Variants in SEC23A observed in about 807,000 individuals in gnomAD.
SEC23A encodes the protein SEC23 homolog A, COPII component, also known as protein transport protein Sec23A.
A neutral mutation model predicts 103.7 loss-of-function variants in SEC23A; 56 were observed. The ratio of observed to expected loss-of-function variants is 0.54; its 90% CI spans 0.44 to 0.67. SEC23A has a LOEUF of 0.67. Among genes scored for constraint, SEC23A ranks in the 30% least tolerant of loss-of-function variants. The probability of loss-of-function intolerance (pLI) is 0.00; values close to 1 mark genes in which losing one functional copy is unlikely to be tolerated. For synonymous variants in SEC23A, 281 were observed against 293.0 expected (o/e 0.96, Z 0.42); for missense variants, 784 against 936.4 (o/e 0.84, Z 2.12).
In SEC23A at chr14:39,085,882, T is replaced by C; in HGVS notation, c.708A>G (p.Ile236Met). Residue 236 changes from isoleucine to methionine, a missense_variant, in exon 7 of 20, where the codon ATA (isoleucine) becomes ATG (methionine). Ile to Met is a conservative substitution (Grantham distance 10). Coordinates refer to ENST00000307712, the MANE Select transcript of SEC23A (RefSeq NM_006364.4). ...SNRFLQPVQKIDMNLTDLLGE... is the reference protein window; with the variant it reads ...SNRFLQPVQKMDMNLTDLLGE... ...CCAGAAGATCTGTGAGATTCATGTC[T>C]ATTTTCTGTACTGGTTGTAAGAATC... The C allele has an allele frequency of 6.2e-7, 1 of 1,613,690 alleles. No individual in the cohort carries two copies. Among genetic ancestry groups the C allele is most frequent in the Non-Finnish European group, 8.5e-7 (1 of 1,179,566 alleles).
intron 17 of SEC23A, 124 bp downstream of exon 17, chr14:39,042,662 T>C: frequency 3.0e-6 from 2 of 669,050 alleles, no homozygotes; most frequent in Admixed American, 2.7e-5. Context: ...TATTTTATTA[T>C]TTTATAAAAA....
chr14:39,058,528 T>C (rs995828089), intron 13 of SEC23A, among the ~76,000 whole-genome samples: 1 of 152,072 alleles, frequency 6.6e-6, no homozygotes, highest in Non-Finnish European at 1.5e-5. Context: ...AGGATGGTCT[T>C]GATCTCCTGA....
rs140084867 is a variant in SEC23A at position 39,089,236 on chromosome 14, G to A, written c.604-2228C>T. On this transcript the variant is annotated intron_variant, in intron 5 of 19. Transcript: ENST00000307712. Reference sequence around the variant, plus strand: ...TTCATATGCATTATATAAGTAAAAGGTACTCTACAATCAGAACAGTAAACT... The same window carrying A: ...TTCATATGCATTATATAAGTAAAAGATACTCTACAATCAGAACAGTAAACT... 3.0e-4 allele frequency among the ~76,000 whole-genome samples: 46 copies of A among 151,656 alleles called. No homozygotes were observed. In the East Asian group the frequency reaches 3.9e-3, roughly 13 times the overall value.
chr14:39,091,937 C>G (rs1887677470), intron 4 of SEC23A, among the ~76,000 whole-genome samples: 1 of 152,162 alleles, frequency 6.6e-6, no homozygotes, highest in African/African-American at 2.4e-5. Flanking sequence ...AGGGGACTTT[C>G]ACTTTCCATT....
At chr14:39,089,848 C>T (rs191523823) in intron 5 of SEC23A, among the ~76,000 whole-genome samples, 2 of 152,214 alleles carry the variant, frequency 1.3e-5, no homozygotes, top group Admixed American at 6.5e-5. Context: ...CCCAGCTACT[C>T]GAGAGGCTGA....
chr14:39,061,880 A>G lies in SEC23A; in HGVS notation c.1399-9T>C, dbSNP rs931746609. The stretch of plus-strand genomic sequence containing the variant: ...GGAATTGGAGCATTATGCTGTATAA[A>G]TATAATGGAGTAAAACCTAAGCAAA... On this transcript the variant is annotated splice_polypyrimidine_tract_variant and intron_variant, in intron 12 of 19. Coordinates refer to ENST00000307712, the MANE Select transcript of SEC23A (RefSeq NM_006364.4). 7 of 1,592,628 alleles carry G rather than the reference A, an allele frequency of 4.4e-6. No individual in the cohort carries two copies. The highest frequency in any genetic ancestry group is 6.0e-6 in the Non-Finnish European group (7 of 1,160,362).
At chr14:39,070,629 G>C (rs1043029842) in intron 9 of SEC23A, among the ~76,000 whole-genome samples, 1 of 152,204 alleles carries the variant, frequency 6.6e-6, no homozygotes, top group Non-Finnish European at 1.5e-5. Flanking sequence ...AATAGCTATA[G>C]AAACAGCATT....
chr14:39,041,668 G>T (rs183944662), intron 17 of SEC23A, among the ~76,000 whole-genome samples: 3 of 151,838 alleles, frequency 2.0e-5, no homozygotes, highest in Admixed American at 6.6e-5. Context: ...TCAGGAGTTC[G>T]AGACCAGCCT....
rs8009506 is a variant in SEC23A, at chr14:39,085,689, T to C, written c.828+73A>G. On this transcript the variant is annotated intron_variant, in intron 7 of 19. Transcript: ENST00000307712. ...TTCTTCTTATCCTTATAATTATATATACACACACACACACACACACACACA... is the reference window on the plus strand; with the variant it reads ...TTCTTCTTATCCTTATAATTATATACACACACACACACACACACACACACA... 404,892 of 1,190,348 alleles carry C rather than the reference T, an allele frequency of 0.34. 76,416 individuals are homozygous for C. Among genetic ancestry groups the C allele is most frequent in the East Asian group, 0.37 (13,930 of 38,068 alleles). 73.7% of individuals were successfully genotyped at this position (1,190,348 alleles called of 1,614,324 possible).
At chr14:39,095,868 C>T (rs1218696923) in intron 2 of SEC23A, 30 bp downstream of exon 2, 6 of 1,448,314 alleles carry the variant, frequency 4.1e-6, no homozygotes, top group Non-Finnish European at 5.8e-6. Flanking sequence ...ATCACATTGC[C>T]ACATTAGTTT....
intron 15 of SEC23A, chr14:39,047,487 C>T (rs934371498): frequency 2.7e-5 from 24 of 901,452 alleles, no homozygotes; most frequent in African/African-American, 3.6e-5. Context: ...AATAAAGGAT[C>T]CTCAAAACAA....
intron 7 of SEC23A, among the ~76,000 whole-genome samples, chr14:39,078,062 C>G (rs557634961): frequency 1.3e-5 from 2 of 151,998 alleles, no homozygotes; most frequent in Non-Finnish European, 2.9e-5. Flanking sequence ...TCAGCCTGGG[C>G]AACAAAGGGA....
At chr14:39,038,170 C>T (rs1885521708) in intron 19 of SEC23A, among the ~76,000 whole-genome samples, 1 of 152,182 alleles carries the variant, frequency 6.6e-6, no homozygotes, top group African/African-American at 2.4e-5. Flanking sequence ...CTATTCTCTA[C>T]CTAGATTTCC....
intron 11 of SEC23A, among the ~76,000 whole-genome samples, chr14:39,064,358 TAAAG>T (rs1420489016): frequency 1.3e-5 from 2 of 152,328 alleles, no homozygotes; most frequent in South Asian, 4.1e-4. Context: ...AAAAAGAACA[TAAAG>T]AACTGAAATT....
In SEC23A at chr14:39,040,751, G is replaced by A; in HGVS notation, c.2123C>T (p.Thr708Ile). Residue 708 changes from threonine (T) to isoleucine (I), a missense_variant, in exon 18 of 20, where the codon ACT becomes ATT. By Grantham distance (89) the Thr-to-Ile change is moderately conservative. Around this residue, in one of 2 missense-constraint regions of SEC23A, gnomAD observed 101 missense variants for 162.2 expected, o/e 0.62. Coordinates refer to ENST00000307712, the MANE Select transcript of SEC23A (RefSeq NM_006364.4). ...ACTTACCTGGCTGCCTCCATGTTCAGTGTCAATGTATCTTGGCATTGGAAA... is the reference window on the plus strand; with the variant it reads ...ACTTACCTGGCTGCCTCCATGTTCAATGTCAATGTATCTTGGCATTGGAAA... ...SRFPMPRYID[T>I]EHGGSQARFL... is the part of the protein sequence containing the mutation. The A allele has an allele frequency of 6.2e-7, 1 of 1,614,160 alleles. No homozygotes were observed. Among genetic ancestry groups the A allele is most frequent in the Non-Finnish European group, 8.5e-7 (1 of 1,180,032 alleles).
rs1436616754 is a variant in SEC23A at position 39,086,944 on chromosome 14, G to A, written c.668C>T (p.Pro223Leu). ...QATRGPQVQQ[P>L]PPSNRFLQPV... The stretch of plus-strand genomic sequence containing the variant: ...TATTTATTACCTGTTGGAAGGAGGT[G>A]GCTGCTGTACCTGAGGACCACGTGT... Residue 223 changes from proline (P) to leucine (L), a missense_variant, in exon 6 of 20, where the codon CCA becomes CTA. By Grantham distance (98) the Pro-to-Leu change is moderately conservative. This residue lies in a region of SEC23A where 683 missense variants were observed against 774.2 expected (regional missense o/e 0.88). Coordinates refer to ENST00000307712, the MANE Select transcript of SEC23A (RefSeq NM_006364.4). 1 of 1,592,130 alleles carries A rather than the reference G, an allele frequency of 6.3e-7. No homozygotes were observed. Among genetic ancestry groups the A allele is most frequent in the Non-Finnish European group, 8.6e-7 (1 of 1,160,030 alleles).
chr14:39,091,174 C>G (rs1887649274), intron 5 of SEC23A: 1 of 425,588 alleles, frequency 2.3e-6, no homozygotes, highest in Non-Finnish European at 4.2e-6. Context: ...TAATATTCTG[C>G]AGTTGCTCTC....
chr14:39,050,015 G>A (rs567694188), intron 14 of SEC23A, among the ~76,000 whole-genome samples: 252 of 152,002 alleles, frequency 1.7e-3, no homozygotes, highest in Non-Finnish European at 2.9e-3. Context: ...TGATCCGCCC[G>A]TCTCGGCCTC....
At chr14:39,059,106 C>T (rs982517021) in intron 13 of SEC23A, among the ~76,000 whole-genome samples, 1 of 151,752 alleles carries the variant, frequency 6.6e-6, no homozygotes. Flanking sequence ...CTACATTTCC[C>T]GTATCCCTTC....
Sources: allele counts gnomAD v4.1 joint callset (sites outside exome capture counted in the v4.1 genomes callset), GRCh38; gene constraint gnomAD v4.1.1; regional missense constraint gnomAD v4.1.1; transcripts MANE v1.5; gene names NCBI Gene and HGNC (gene_info 2026-07-23, HGNC 2026-07-21).